The following FRS2 variants were observed in gnomAD, a reference collection of about 807,000 sequenced individuals.
FRS2 encodes the protein fibroblast growth factor receptor substrate 2.
Under a neutral mutation model 43.9 loss-of-function variants are expected in FRS2, and 8 were observed. The observed-to-expected ratio is 0.18, with a 90% confidence interval of 0.11 to 0.33. FRS2 has a LOEUF of 0.33. Ranked by LOEUF, FRS2 falls within the 10% of genes least tolerant of loss-of-function variation. The pLI is 1.00. For missense variants in FRS2, 534 were observed against 627.6 expected, an observed-to-expected ratio of 0.85 and a Z score of 1.59; for synonymous variants, 219 against 220.3, an observed-to-expected ratio of 0.99 and a Z score of 0.05.
intron 1 of FRS2, among the ~76,000 whole-genome samples, chr12:69,495,815 C>T (rs921088944): frequency 2.6e-5 from 4 of 152,016 alleles, no homozygotes; most frequent in Middle Eastern, 3.4e-3. Context: ...CACCTGTAGT[C>T]GTAGCTACTT....
At chr12:69,564,324 A>G (rs1173500637) in intron 4 of FRS2, among the ~76,000 whole-genome samples, 1 of 151,704 alleles carries the variant, frequency 6.6e-6, no homozygotes, top group African/African-American at 2.4e-5. Flanking sequence ...AATTTCAACC[A>G]CAGACCAGTC....
chr12:69,495,831 G>T lies in FRS2; in HGVS notation c.-261+25301G>T, dbSNP rs1347868372. ...ACCTGTAGTCGTAGCTACTTGGGAG[G>T]CTCATAGGGAGGATTGATTGAGCCT... On this transcript the variant is annotated intron_variant, in intron 1 of 8. Coordinates refer to ENST00000549921, the MANE Select transcript of FRS2 (RefSeq NM_001278356.2). Among the ~76,000 whole-genome samples the T allele has an allele frequency of 4.6e-5, 7 of 152,268 alleles. No homozygotes were observed. In the East Asian group the frequency reaches 1.2e-3, roughly 25 times the overall value.
intron 1 of FRS2, among the ~76,000 whole-genome samples, chr12:69,511,583 TA>T (rs775849331): frequency 3.9e-5 from 6 of 152,190 alleles, no homozygotes; most frequent in Non-Finnish European, 5.9e-5. Context: ...AATTTTGTTT[TA>T]AAAAAACTCT....
chr12:69,578,194 A>G lies in FRS2; in HGVS notation c.*3239A>G, dbSNP rs934456072. 2 of 152,582 alleles carry G rather than the reference A, an allele frequency of 1.3e-5. No individual in the cohort carries two copies. The highest frequency in any genetic ancestry group is 2.1e-4 in the South Asian group (1 of 4,828). 9.5% of individuals were successfully genotyped at this position (152,582 alleles called of 1,614,324 possible). The stretch of plus-strand genomic sequence containing the variant: ...CTATAATGCCCAAATGTTTTGTGCA[A>G]TGTGTAGTGTGTGTGTATAAATACA... On this transcript the variant is annotated 3_prime_UTR_variant, in exon 9 of 9. Transcript: ENST00000549921.
At chr12:69,545,755 CAAAAA>C (rs60460901) in intron 3 of FRS2, among the ~76,000 whole-genome samples, 3 of 80,428 alleles carry the variant, frequency 3.7e-5, no homozygotes, top group African/African-American at 8.7e-5. Flanking sequence ...GACCCTGTCT[CAAAAA>C]AAAAAAAAAA....
At chr12:69,513,519 G>A (rs1874674395) in intron 1 of FRS2, among the ~76,000 whole-genome samples, 1 of 152,144 alleles carries the variant, frequency 6.6e-6, no homozygotes, top group Non-Finnish European at 1.5e-5. Context: ...TTACTGAACT[G>A]TAAAATAGAC....
intron 3 of FRS2, among the ~76,000 whole-genome samples, chr12:69,545,212 AAAT>A (rs1878263433): frequency 6.6e-6 from 1 of 152,232 alleles, no homozygotes; most frequent in Non-Finnish European, 1.5e-5. Flanking sequence ...TGAATACTAA[AAAT>A]AATCTACAGA....
chr12:69,553,379 G>A (rs1051289866), intron 3 of FRS2, among the ~76,000 whole-genome samples: 3 of 152,070 alleles, frequency 2.0e-5, no homozygotes, highest in African/African-American at 7.2e-5. Context: ...CCCACTTGGA[G>A]CTATTTTAGG....
chr12:69,473,886 A>C (rs1172174586), intron 1 of FRS2, among the ~76,000 whole-genome samples: 1 of 152,160 alleles, frequency 6.6e-6, no homozygotes, highest in Non-Finnish European at 1.5e-5. Context: ...CTTTGTTGCC[A>C]GGCTGGAGTG....
chr12:69,519,959 T>A (rs1281136336), intron 1 of FRS2, among the ~76,000 whole-genome samples: 1 of 152,232 alleles, frequency 6.6e-6, no homozygotes, highest in Non-Finnish European at 1.5e-5. Flanking sequence ...GGTAGTTCTG[T>A]TTTTAGCTCT....
At chr12:69,517,886 AT>A (rs1270681237) in intron 1 of FRS2, among the ~76,000 whole-genome samples, 2 of 152,032 alleles carry the variant, frequency 1.3e-5, no homozygotes, top group Non-Finnish European at 2.9e-5. Flanking sequence ...TTTCACAGGC[AT>A]TTTCCCCCCA....
intron 3 of FRS2, among the ~76,000 whole-genome samples, chr12:69,544,451 A>C (rs1878188975): frequency 6.6e-6 from 1 of 152,186 alleles, no homozygotes; most frequent in African/African-American, 2.4e-5. Flanking sequence ...CATGTCTGTA[A>C]TTTTAGCACT....
chr12:69,538,867 C>T (rs1341108170), intron 3 of FRS2, among the ~76,000 whole-genome samples: 1 of 152,010 alleles, frequency 6.6e-6, no homozygotes, highest in Non-Finnish European at 1.5e-5. Context: ...GTCTATTCTC[C>T]ATGAGTTTAT....
At chr12:69,514,992 G>A (rs984824263) in intron 1 of FRS2, among the ~76,000 whole-genome samples, 1 of 152,166 alleles carries the variant, frequency 6.6e-6, no homozygotes, top group African/African-American at 2.4e-5. Context: ...CCCTCAATAT[G>A]TGCCACCATG....
chr12:69,491,504 C>CTTTTTTTTTTTTTTTTT (rs1181575947), intron 1 of FRS2: 2 of 113,968 alleles, frequency 1.8e-5, no homozygotes. Context: ...GCGTTTCTTC[C>CTTTTTTTTTTTTTTTTT]ATTTTTTTTT....
chr12:69,495,721 C>T (rs1189271304), intron 1 of FRS2, among the ~76,000 whole-genome samples: 1 of 152,180 alleles, frequency 6.6e-6, no homozygotes, highest in Non-Finnish European at 1.5e-5. Context: ...GACACTGTCT[C>T]TACAAAATAG....
intron 1 of FRS2, among the ~76,000 whole-genome samples, chr12:69,507,000 C>T (rs1873998454): frequency 6.6e-6 from 1 of 152,168 alleles, no homozygotes; most frequent in Non-Finnish European, 1.5e-5. Context: ...ACGTGATGCC[C>T]TCTGCTGCCT....
chr12:69,578,324 C>T lies in FRS2; in HGVS notation c.*3369C>T, dbSNP rs1482653417. ...TGTGTGAGGTATATGGTACTAATTA[C>T]CTTTTCCTTGATGTTTGCCAAATTT... On this transcript the variant is annotated 3_prime_UTR_variant, in exon 9 of 9. Transcript: ENST00000549921. The T allele has an allele frequency of 1.3e-5, 2 of 152,552 alleles. No individual in the cohort carries two copies. The highest frequency in any genetic ancestry group is 2.4e-5 in the African/African-American group (1 of 41,422). The allele number at this position is 152,552 out of a possible 1,614,324, so 9.4% of individuals were successfully genotyped here. A position where few individuals can be genotyped will look rare whatever the true frequency, so the allele number is the denominator to read the frequency against.
chr12:69,524,255 C>T lies in FRS2; in HGVS notation c.-260-6610C>T, dbSNP rs1027754714. 4.6e-5 allele frequency among the ~76,000 whole-genome samples: 7 copies of T among 152,024 alleles called. No homozygotes were observed. In the South Asian group the frequency reaches 6.2e-4, roughly 14 times the overall value. On this transcript the variant is annotated intron_variant, in intron 1 of 8. Coordinates refer to ENST00000549921, the MANE Select transcript of FRS2 (RefSeq NM_001278356.2). Reference sequence around the variant, plus strand: ...GGGATAGGGGACGGGGGTGCACTCACGGCAGCAGAGGCATGGCAGGGTGCA... The same window carrying T: ...GGGATAGGGGACGGGGGTGCACTCATGGCAGCAGAGGCATGGCAGGGTGCA...
Sources: gnomAD v4.1 joint callset for allele counts (sites outside exome capture counted in the v4.1 genomes callset) on GRCh38, gnomAD v4.1.1 for gene constraint, MANE v1.5 for transcripts, NCBI Gene and HGNC (gene_info 2026-07-23, HGNC 2026-07-21) for gene names.